Variants in TLN2 observed in about 807,000 individuals in gnomAD.
TLN2 encodes the protein talin 2, also known as talin-2.
In TLN2, 118 loss-of-function variants were observed where a neutral mutation model predicts 294.7. The ratio of observed to expected loss-of-function variants is 0.40; its 90% CI spans 0.34 to 0.47. The LOEUF (loss-of-function observed/expected upper bound fraction) is 0.47. Among genes scored for constraint, TLN2 ranks in the 20% least tolerant of loss-of-function variants. TLN2 has a pLI of 0.84. For synonymous variants in TLN2, 1,431 were observed against 1,304.5 expected (o/e 1.10, Z -2.09); for missense variants, 3,083 against 3,282.2 (o/e 0.94, Z 1.48).
intron 1 of TLN2, among the ~76,000 whole-genome samples, chr15:62,564,661 C>T (rs1008999970): frequency 6.6e-6 from 1 of 152,056 alleles, no homozygotes; most frequent in African/African-American, 2.4e-5. Flanking sequence ...AATCCCAGCA[C>T]TTTGGGAGGT....
At chr15:62,655,808 A>T (rs2053142925) in intron 7 of TLN2, 136 bp from the exon 8 acceptor site, 1 of 1,046,666 alleles carries the variant, frequency 9.6e-7, no homozygotes, top group Non-Finnish European at 1.3e-6. Flanking sequence ...ATAGTTCTAA[A>T]ATAAGAAATA....
intron 28 of TLN2, among the ~76,000 whole-genome samples, chr15:62,730,341 T>G (rs2060653842): frequency 6.6e-6 from 1 of 152,084 alleles, no homozygotes; most frequent in Non-Finnish European, 1.5e-5. Flanking sequence ...CACCCAGCCT[T>G]ATGTTTTAAT....
At chr15:62,483,162 T>TA (rs1283722451) in intron 1 of TLN2, among the ~76,000 whole-genome samples, 1 of 152,224 alleles carries the variant, frequency 6.6e-6, no homozygotes, top group Non-Finnish European at 1.5e-5. Context: ...CACCAAGAAC[T>TA]ACTCCAATGT....
intron 1 of TLN2, among the ~76,000 whole-genome samples, chr15:62,427,674 T>C (rs2140282899): frequency 6.6e-6 from 1 of 152,270 alleles, no homozygotes; most frequent in East Asian, 1.9e-4. Flanking sequence ...CCTTGGGATC[T>C]GAGTCCCTGG....
intron 1 of TLN2, among the ~76,000 whole-genome samples, chr15:62,471,939 CGCAGTGGT>C (rs1348532774): frequency 6.6e-6 from 1 of 152,114 alleles, no homozygotes; most frequent in Non-Finnish European, 1.5e-5. Context: ...CTGCCCAGCT[CGCAGTGGT>C]GCATTTCCTG....
rs573588393 is a variant in TLN2 at position 62,597,621 on chromosome 15, T to G, written c.-162+7859T>G. Among the ~76,000 whole-genome samples, 81 of 152,296 alleles carry G rather than the reference T, an allele frequency of 5.3e-4. 1 individual carries two copies. Among genetic ancestry groups the G allele is most frequent in the South Asian group, 2.7e-3 (13 of 4,818 alleles). Reference sequence around the variant, plus strand: ...CTGCACAGGGCTCAGCAAATGCCAGTGGCCAAGGAAAGCTCGTGATTACTA... The same window carrying G: ...CTGCACAGGGCTCAGCAAATGCCAGGGGCCAAGGAAAGCTCGTGATTACTA... On this transcript the variant is annotated intron_variant, in intron 2 of 58. Transcript: ENST00000636159.
intron 1 of TLN2, among the ~76,000 whole-genome samples, chr15:62,547,403 A>G (rs916692918): frequency 2.2e-4 from 33 of 152,190 alleles, no homozygotes; most frequent in Middle Eastern, 3.2e-3. Flanking sequence ...TGTCATATTC[A>G]GTGGACATAG....
At chr15:62,646,090 G>C (rs1336292082) in intron 3 of TLN2, among the ~76,000 whole-genome samples, 1 of 152,070 alleles carries the variant, frequency 6.6e-6, no homozygotes, top group Non-Finnish European at 1.5e-5. Context: ...ATTTTTAAAA[G>C]AAAGCATTTA....
At chr15:62,489,043 C>T (rs546130003) in intron 1 of TLN2, among the ~76,000 whole-genome samples, 1 of 152,126 alleles carries the variant, frequency 6.6e-6, no homozygotes, top group Non-Finnish European at 1.5e-5. Context: ...TGCCTGTAGT[C>T]GCAGCTACTT....
chr15:62,619,903 AG>A (rs2048638293), intron 3 of TLN2, among the ~76,000 whole-genome samples: 1 of 152,336 alleles, frequency 6.6e-6, no homozygotes, highest in South Asian at 2.1e-4. Flanking sequence ...TGTAACAACC[AG>A]CCCAAAATGG....
chr15:62,523,654 A>G (rs1030981549), intron 1 of TLN2, among the ~76,000 whole-genome samples: 2 of 152,246 alleles, frequency 1.3e-5, no homozygotes, highest in Admixed American at 6.5e-5. Context: ...AGAAAAATAA[A>G]TAATAGAGAA....
At chr15:62,797,461 G>C (rs993325209) in intron 48 of TLN2, 59 bp downstream of exon 48, 1 of 1,505,246 alleles carries the variant, frequency 6.6e-7, no homozygotes, top group Non-Finnish European at 8.8e-7. Context: ...CTGCACATCG[G>C]GCCTCAGAAG....
intron 1 of TLN2, among the ~76,000 whole-genome samples, chr15:62,523,020 G>T (rs983539234): frequency 6.7e-6 from 1 of 150,072 alleles, no homozygotes; most frequent in Admixed American, 6.6e-5. Context: ...TCCCACCCCC[G>T]ACAATTCTAT....
At position 62,455,974 on chromosome 15, in the gene TLN2, C is replaced by T. The variant is rs1054355411; in HGVS notation, c.-238+65289C>T. Among the ~76,000 whole-genome samples, 6 of 151,938 alleles carry T rather than the reference C, an allele frequency of 3.9e-5. No homozygotes were observed. The South Asian group carries it at 6.3e-4, about 16-fold the overall frequency. On this transcript the variant is annotated intron_variant, in intron 1 of 58. Transcript: ENST00000636159. ...CAGCCAGCCCTGCTCCTGGGGGTTA[C>T]GAGTCTGCAGTTGCGAACCCCAGAA...
intron 1 of TLN2, among the ~76,000 whole-genome samples, chr15:62,510,853 T>TA (rs1419215957): frequency 6.6e-6 from 1 of 152,250 alleles, no homozygotes; most frequent in African/African-American, 2.4e-5. Context: ...AGAATCCAGT[T>TA]ACGTGCTATA....
At chr15:62,479,407 T>C (rs1483568477) in intron 1 of TLN2, among the ~76,000 whole-genome samples, 1 of 152,218 alleles carries the variant, frequency 6.6e-6, no homozygotes, top group Non-Finnish European at 1.5e-5. Context: ...AAGTGTCCCC[T>C]TCCACTTGCG....
intron 1 of TLN2, among the ~76,000 whole-genome samples, chr15:62,557,702 C>G (rs569276984): frequency 7.9e-5 from 12 of 152,246 alleles, no homozygotes; most frequent in Admixed American, 7.2e-4. Flanking sequence ...CCACCACACC[C>G]GGCTAATTTT....
At chr15:62,792,460 C>G (rs559031558) in intron 45 of TLN2, among the ~76,000 whole-genome samples, 181 bp from the exon 46 acceptor site, 2 of 152,196 alleles carry the variant, frequency 1.3e-5, no homozygotes, top group African/African-American at 4.8e-5. Context: ...ATTTTACAGT[C>G]TCTCAAAAGG....
rs371649527 is a variant in TLN2, at chr15:62,796,195, C to T, written c.5952C>T (p.Thr1984=). 74 of 1,614,140 alleles carry T rather than the reference C, an allele frequency of 4.6e-5. No homozygotes were observed. Among genetic ancestry groups the T allele is most frequent in the Middle Eastern group, 1.6e-4 (1 of 6,084 alleles). Residue 1984 remains threonine (T), a synonymous_variant, in exon 47 of 59, where the codon ACC becomes ACT. Coordinates refer to ENST00000636159, the MANE Select transcript of TLN2 (RefSeq NM_015059.3). ...CCCAGGCATGCATTACAGCCGCCACCGCTGTGTCTGGGATCATTGCCGACC... is the reference window on the plus strand; with the variant it reads ...CCCAGGCATGCATTACAGCCGCCACTGCTGTGTCTGGGATCATTGCCGACC... ...KGTQACITAA[T]AVSGIIADLD... is the part of the protein sequence containing the mutation.
Sources: allele counts gnomAD v4.1 joint callset (sites outside exome capture counted in the v4.1 genomes callset), GRCh38; gene constraint gnomAD v4.1.1; transcripts MANE v1.5; gene names NCBI Gene and HGNC (gene_info 2026-07-23, HGNC 2026-07-21).